Variants in CWC27 observed in about 807,000 individuals in gnomAD.
CWC27 encodes the protein spliceosome-associated protein CWC27 homolog.
CWC27 carries 47 observed loss-of-function variants against 63.6 expected under a neutral mutation model. The observed-to-expected ratio is 0.74, with a 90% confidence interval of 0.58 to 0.94. The LOEUF is 0.94. CWC27 is among the 40% of genes least tolerant of loss of function. The pLI is 0.00. For missense variants in CWC27, 495 were observed against 554.3 expected (o/e 0.89, Z 1.07); for synonymous variants, 175 against 179.8 (o/e 0.97, Z 0.22).
intron 13 of CWC27, among the ~76,000 whole-genome samples, chr5:65,011,254 T>C (rs2910768): frequency 1 from 152,003 of 152,310 alleles, 75,848 homozygotes; most frequent in Middle Eastern, 1. Context: ...AGCCGCCACC[T>C]TCAAGAGCAC....
At chr5:64,893,482 CT>C (rs1229009912) in intron 11 of CWC27, among the ~76,000 whole-genome samples, 1 of 152,160 alleles carries the variant, frequency 6.6e-6, no homozygotes, top group Non-Finnish European at 1.5e-5. Context: ...AATGCAATAG[CT>C]GATAGTTTTT....
Position 64,999,746 on chromosome 5 carries a change from C to T in CWC27, c.1257-18413C>T, listed in dbSNP as rs1195250767. Among the ~76,000 whole-genome samples, 3 of 152,064 alleles carry T rather than the reference C, an allele frequency of 2.0e-5. 1 individual carries two copies. The highest frequency in any genetic ancestry group is 7.2e-5 in the African/African-American group (3 of 41,408). ...CTTTATCCATTCATCCACTGATGGA[C>T]ACTTAAGTTGATTTTGTTTCTTAGC... is the stretch of plus-strand genomic sequence containing the variant. On this transcript the variant is annotated intron_variant, in intron 13 of 13. Coordinates refer to ENST00000381070, the MANE Select transcript of CWC27 (RefSeq NM_005869.4).
At chr5:64,860,771 T>C (rs1188695670) in intron 10 of CWC27, among the ~76,000 whole-genome samples, 2 of 152,230 alleles carry the variant, frequency 1.3e-5, no homozygotes, top group African/African-American at 2.4e-5. Flanking sequence ...ATCTGCAGAG[T>C]TTGAAATATT....
chr5:64,891,643 T>G (rs1338226047), intron 11 of CWC27, among the ~76,000 whole-genome samples: 1 of 152,224 alleles, frequency 6.6e-6, no homozygotes, highest in African/African-American at 2.4e-5. Context: ...AGCTTTACTT[T>G]GTGAACCCTA....
At chr5:65,017,179 G>A (rs947769313) in intron 13 of CWC27, among the ~76,000 whole-genome samples, 1 of 152,072 alleles carries the variant, frequency 6.6e-6, no homozygotes, top group Non-Finnish European at 1.5e-5. Flanking sequence ...AAATTAGCCA[G>A]GCGTGGTGGC....
At chr5:64,785,307 A>G (rs1049628994) in intron 4 of CWC27, among the ~76,000 whole-genome samples, 174 bp from the exon 5 acceptor site, 2 of 152,198 alleles carry the variant, frequency 1.3e-5, no homozygotes, top group Non-Finnish European at 2.9e-5. Context: ...AACTCCATCC[A>G]TGCTTTTCTC....
chr5:65,005,424 T>G (rs1398299043), intron 13 of CWC27, among the ~76,000 whole-genome samples: 1 of 152,090 alleles, frequency 6.6e-6, no homozygotes, highest in Non-Finnish European at 1.5e-5. Flanking sequence ...ACATGACACC[T>G]GTGGGCATTG....
chr5:64,966,582 A>G (rs1340434444), intron 11 of CWC27, among the ~76,000 whole-genome samples: 1 of 152,144 alleles, frequency 6.6e-6, no homozygotes, highest in African/African-American at 2.4e-5. Flanking sequence ...TCTCACTCAT[A>G]TAGTAAATTG....
At chr5:64,886,869 A>G (rs1274420852) in intron 11 of CWC27, among the ~76,000 whole-genome samples, 3 of 152,144 alleles carry the variant, frequency 2.0e-5, no homozygotes, top group Admixed American at 2.0e-4. Context: ...GGCAAAATGT[A>G]ACCCAGAATA....
At chr5:64,851,244 A>C (rs769401098) in intron 10 of CWC27, among the ~76,000 whole-genome samples, 16 of 152,218 alleles carry the variant, frequency 1.1e-4, no homozygotes, top group Non-Finnish European at 1.8e-4. Context: ...AAATTCTGTC[A>C]CTGGCAACAT....
intron 11 of CWC27, among the ~76,000 whole-genome samples, chr5:64,933,174 TG>T: frequency 1.3e-5 from 2 of 152,286 alleles, no homozygotes; most frequent in Middle Eastern, 6.8e-3. Flanking sequence ...AGATCCAGTC[TG>T]GGTAACACAC....
chr5:64,807,780 C>T (rs2112222279), intron 10 of CWC27: 1 of 1,535,624 alleles, frequency 6.5e-7, no homozygotes, highest in African/African-American at 1.4e-5. Context: ...AACGGATCAC[C>T]TGGCTGCTTG....
intron 10 of CWC27, among the ~76,000 whole-genome samples, chr5:64,858,867 C>T (rs1206116739): frequency 6.6e-6 from 1 of 152,114 alleles, no homozygotes; most frequent in Non-Finnish European, 1.5e-5. Flanking sequence ...TTCTTTATGA[C>T]CCATCATGCC....
intron 11 of CWC27, among the ~76,000 whole-genome samples, chr5:64,959,032 A>G (rs1748855109): frequency 6.6e-6 from 1 of 152,188 alleles, no homozygotes; most frequent in African/African-American, 2.4e-5. Context: ...AAATATGCTG[A>G]AAATGAAAAC....
chr5:64,965,825 A>T (rs1173934740), intron 11 of CWC27, among the ~76,000 whole-genome samples: 1 of 152,190 alleles, frequency 6.6e-6, no homozygotes, highest in Non-Finnish European at 1.5e-5. Context: ...GATGCTTGCC[A>T]TCACTACCAC....
intron 10 of CWC27, among the ~76,000 whole-genome samples, chr5:64,861,333 GAT>G (rs35720748): frequency 1.3e-5 from 2 of 149,724 alleles, no homozygotes; most frequent in African/African-American, 2.4e-5. Context: ...GGCCAAATCA[GAT>G]ATATATATAT....
At chr5:64,811,159 T>C (rs1744867066) in intron 10 of CWC27, among the ~76,000 whole-genome samples, 1 of 152,022 alleles carries the variant, frequency 6.6e-6, no homozygotes, top group Admixed American at 6.6e-5. Context: ...AAAACTGGGG[T>C]AGTTTGCAGC....
intron 11 of CWC27, among the ~76,000 whole-genome samples, chr5:64,926,856 C>A (rs1043858732): frequency 1.3e-5 from 2 of 152,094 alleles, no homozygotes; most frequent in Non-Finnish European, 2.9e-5. Flanking sequence ...AAAAACTGTT[C>A]CTAAACAATG....
At chr5:64,882,817 C>CG (rs1432243647) in intron 10 of CWC27, among the ~76,000 whole-genome samples, 2 of 152,220 alleles carry the variant, frequency 1.3e-5, no homozygotes, top group Non-Finnish European at 2.9e-5. Context: ...AGGATGGTCT[C>CG]GATCTCCTGA....
Sources: allele counts gnomAD v4.1 joint callset (sites outside exome capture counted in the v4.1 genomes callset), GRCh38; gene constraint gnomAD v4.1.1; transcripts MANE v1.5; gene names NCBI Gene and HGNC (gene_info 2026-07-23, HGNC 2026-07-21).